The following DLGAP2 variants were observed in gnomAD, a reference collection of about 807,000 sequenced individuals.
The protein encoded by DLGAP2 is DLG associated protein 2.
A neutral mutation model predicts 100.3 loss-of-function variants in DLGAP2; 26 were observed. The ratio of observed to expected loss-of-function variants is 0.26; its 90% CI spans 0.19 to 0.36. DLGAP2 has a LOEUF of 0.36. Ranked by LOEUF, DLGAP2 falls within the 10% of genes least tolerant of loss-of-function variation. The probability of loss-of-function intolerance (pLI) is 1.00; values close to 1 mark genes in which losing one functional copy is unlikely to be tolerated. For missense variants in DLGAP2, 1,858 were observed against 1,453.2 expected, an observed-to-expected ratio of 1.28 and a Z score of -4.53; for synonymous variants, 886 against 630.1, an observed-to-expected ratio of 1.41 and a Z score of -6.08.
intron 2 of DLGAP2, among the ~76,000 whole-genome samples, chr8:1,088,054 A>C (rs1389177255): frequency 6.6e-6 from 1 of 152,078 alleles, no homozygotes; most frequent in Non-Finnish European, 1.5e-5. Flanking sequence ...CCTTCACACC[A>C]CTGCCAAAAT....
At chr8:863,896 A>T (rs576699765) in intron 1 of DLGAP2, among the ~76,000 whole-genome samples, 1 of 152,182 alleles carries the variant, frequency 6.6e-6, no homozygotes, top group African/African-American at 2.4e-5. Context: ...GTGGAAGAGA[A>T]TCGGCCCCCA....
chr8:1,655,246 A>T (rs919413642), intron 8 of DLGAP2, among the ~76,000 whole-genome samples: 4 of 152,180 alleles, frequency 2.6e-5, no homozygotes, highest in African/African-American at 9.7e-5. Context: ...TGTGACTAGC[A>T]TTAATTAAAG....
intron 2 of DLGAP2, among the ~76,000 whole-genome samples, chr8:1,110,715 T>A (rs1295984891): frequency 8.7e-5 from 1 of 11,538 alleles, no homozygotes; most frequent in Non-Finnish European, 4.0e-4. Flanking sequence ...ATTTATAGCC[T>A]TTTTTTTTTT....
intron 12 of DLGAP2, among the ~76,000 whole-genome samples, chr8:1,690,843 G>A (rs1168967684): frequency 6.6e-6 from 1 of 151,982 alleles, no homozygotes; most frequent in Non-Finnish European, 1.5e-5. Flanking sequence ...TGTAGCGTTA[G>A]CATTACACAT....
At chr8:864,476 A>G (rs1797453093) in intron 1 of DLGAP2, among the ~76,000 whole-genome samples, 1 of 152,226 alleles carries the variant, frequency 6.6e-6, no homozygotes, top group Admixed American at 6.5e-5. Context: ...TGAGTCAACT[A>G]GAAAATTTTA....
intron 3 of DLGAP2, among the ~76,000 whole-genome samples, chr8:1,432,104 C>A (rs955097240): frequency 3.3e-5 from 5 of 152,196 alleles, no homozygotes; most frequent in African/African-American, 1.2e-4. Flanking sequence ...GGCTGCCATC[C>A]ATCGGGGCTG....
chr8:1,208,091 C>T (rs148795593), intron 2 of DLGAP2, among the ~76,000 whole-genome samples: 9 of 152,190 alleles, frequency 5.9e-5, no homozygotes, highest in African/African-American at 2.2e-4. Flanking sequence ...TTTATCTTTG[C>T]TTTTGTTGAA....
At chr8:1,339,371 G>A (rs1000958102) in intron 3 of DLGAP2, among the ~76,000 whole-genome samples, 4 of 152,046 alleles carry the variant, frequency 2.6e-5, no homozygotes, top group African/African-American at 9.7e-5. Context: ...AGTGACTTCA[G>A]TAAGGCGTCA....
In DLGAP2 at chr8:872,590, A is replaced by G. The variant is rs557279674; in HGVS notation, c.19-35322A>G. On this transcript the variant is annotated intron_variant, in intron 1 of 14. Coordinates refer to ENST00000637795, the MANE Select transcript of DLGAP2 (RefSeq NM_001346810.2). ...GTGATCCACCCACCTTGGCCTCCCAAAGTGCTGGGATTACAGGCGTGAGCC... is the reference window on the plus strand; with the variant it reads ...GTGATCCACCCACCTTGGCCTCCCAGAGTGCTGGGATTACAGGCGTGAGCC... Among the ~76,000 whole-genome samples, 65 of 152,172 alleles carry G rather than the reference A, an allele frequency of 4.3e-4. 1 individual carries two copies. Among genetic ancestry groups the G allele is most frequent in the Non-Finnish European group, 9.0e-4 (61 of 67,976 alleles).
chr8:1,195,680 C>A (rs1010629009), intron 2 of DLGAP2, among the ~76,000 whole-genome samples: 56 of 152,110 alleles, frequency 3.7e-4, no homozygotes, highest in African/African-American at 1.3e-3. Flanking sequence ...TGTTTATGGA[C>A]GTCTTATCAG....
chr8:1,407,431 A>G (rs368959783), intron 3 of DLGAP2, among the ~76,000 whole-genome samples: 6 of 92,278 alleles, frequency 6.5e-5, no homozygotes, highest in East Asian at 4.6e-4. Flanking sequence ...TGTCCTCCAG[A>G]GTCGTGTATT....
In DLGAP2 at chr8:1,374,212, C is replaced by CTG. The variant is rs1202242725; in HGVS notation, c.106+115332_106+115333dup. 3.3e-5 allele frequency among the ~76,000 whole-genome samples: 5 copies of CTG among 150,554 alleles called. No homozygotes were observed. In the East Asian group the frequency reaches 8.1e-4, roughly 24 times the overall value. The stretch of plus-strand genomic sequence containing the variant: ...GAGGTTAGGGTCGGTTTGCAGAAGG[C>CTG]TGTGGTGGAGGGTAGGTCACGTTTG... On this transcript the variant is annotated intron_variant, in intron 3 of 14. Transcript: ENST00000637795.
intron 1 of DLGAP2, among the ~76,000 whole-genome samples, chr8:854,602 C>T (rs1047531264): frequency 1.3e-5 from 2 of 151,836 alleles, no homozygotes; most frequent in South Asian, 2.1e-4. Context: ...TATGTGCATG[C>T]ATGTGTGTGC....
At chr8:1,376,370 G>A (rs1047316766) in intron 3 of DLGAP2, among the ~76,000 whole-genome samples, 6 of 152,250 alleles carry the variant, frequency 3.9e-5, no homozygotes, top group African/African-American at 1.2e-4. Flanking sequence ...ATCGGCCACG[G>A]GGGCCTGCAG....
intron 1 of DLGAP2, among the ~76,000 whole-genome samples, chr8:815,013 A>G (rs1455094287): frequency 1.3e-5 from 2 of 152,158 alleles, no homozygotes; most frequent in African/African-American, 4.8e-5. Flanking sequence ...AGAACATGAG[A>G]AAGCACAGTT....
Position 1,707,693 on chromosome 8 carries a change from T to A in DLGAP2, c.*6287T>A, listed in dbSNP as rs1019267763. 1 of 152,146 alleles carries A rather than the reference T, an allele frequency of 6.6e-6. No homozygotes were observed. Among genetic ancestry groups the A allele is most frequent in the African/African-American group, 2.4e-5 (1 of 41,412 alleles). 9.4% of individuals were successfully genotyped at this position (152,146 alleles called of 1,614,324 possible). A position where few individuals can be genotyped will look rare whatever the true frequency, so the allele number is the denominator to read the frequency against. Reference sequence around the variant, plus strand: ...CAGACCAAAATACCCAGGTGTGGCCTAAGGACTATATTAAATGCCTCCTAT... The same window carrying A: ...CAGACCAAAATACCCAGGTGTGGCCAAAGGACTATATTAAATGCCTCCTAT... On this transcript the variant is annotated 3_prime_UTR_variant, in exon 15 of 15. Coordinates refer to ENST00000637795, the MANE Select transcript of DLGAP2 (RefSeq NM_001346810.2).
intron 5 of DLGAP2, among the ~76,000 whole-genome samples, chr8:1,557,705 G>C (rs1802015032): frequency 6.6e-6 from 1 of 152,178 alleles, no homozygotes; most frequent in South Asian, 2.1e-4. Context: ...GCCAGCTCCT[G>C]CTGAGCCTCT....
chr8:1,387,701 T>C (rs1232525369), intron 3 of DLGAP2, among the ~76,000 whole-genome samples: 1 of 151,952 alleles, frequency 6.6e-6, no homozygotes, highest in Non-Finnish European at 1.5e-5. Context: ...GTTGAGGTGG[T>C]TGGTGACTGG....
In DLGAP2 at chr8:740,476, C is replaced by T. The variant is rs376444583; in HGVS notation, c.18+2651C>T. ...GACATTATTTCTCCCCAGTGACATA[C>T]ATGCCCTTCTGTGGCAATCTATTGC... On this transcript the variant is annotated intron_variant, in intron 1 of 14. Coordinates refer to ENST00000637795, the MANE Select transcript of DLGAP2 (RefSeq NM_001346810.2). 5 of 152,332 alleles carry T rather than the reference C, an allele frequency of 3.3e-5. No homozygotes were observed. In the East Asian group the frequency reaches 9.6e-4, roughly 29 times the overall value. 9.4% of individuals were successfully genotyped at this position (152,332 alleles called of 1,614,324 possible).
Sources: gnomAD v4.1 joint callset for allele counts (sites outside exome capture counted in the v4.1 genomes callset) on GRCh38, gnomAD v4.1.1 for gene constraint, MANE v1.5 for transcripts, NCBI Gene and HGNC (gene_info 2026-07-23, HGNC 2026-07-21) for gene names.